The following PPFIA2 variants were observed in gnomAD, a reference collection of about 807,000 sequenced individuals.
PPFIA2 encodes the protein PPFI scaffold protein A2, also known as liprin-alpha-2.
PPFIA2 carries 46 observed loss-of-function variants against 175.5 expected under a neutral mutation model. The observed-to-expected ratio is 0.26, with a 90% CI of 0.21 to 0.34. The LOEUF (loss-of-function observed/expected upper bound fraction) is 0.34. Ranked by LOEUF, PPFIA2 falls within the 10% of genes least tolerant of loss-of-function variation. The pLI, the probability that PPFIA2 is intolerant of heterozygous loss-of-function variation, is 1.00. For missense variants in PPFIA2, 1,179 were observed against 1,506.1 expected (o/e 0.78, Z 3.60); for synonymous variants, 568 against 511.4 (o/e 1.11, Z -1.49).
intron 4 of PPFIA2, among the ~76,000 whole-genome samples, chr12:81,558,514 T>C (rs545592284): frequency 1.3e-5 from 2 of 152,180 alleles, no homozygotes; most frequent in Non-Finnish European, 2.9e-5. Context: ...TTCCCGTGCT[T>C]TCACATGGAA....
chr12:81,555,512 C>T (rs900094712), intron 4 of PPFIA2, among the ~76,000 whole-genome samples: 4 of 151,914 alleles, frequency 2.6e-5, no homozygotes, highest in African/African-American at 9.7e-5. Context: ...TTCTGCAATT[C>T]TTGAAATTGA....
At position 81,405,800 on chromosome 12, in the gene PPFIA2, T is replaced by G; in HGVS notation, c.749A>C (p.Lys250Thr). 4 of 1,563,532 alleles carry G rather than the reference T, an allele frequency of 2.6e-6. No individual in the cohort carries two copies. Among genetic ancestry groups the G allele is most frequent in the Non-Finnish European group, 3.5e-6 (4 of 1,150,184 alleles). ...GGTGTGTCATACCTTCTCATGGACT[T>G]TCTGTCCAGGTTCCATCCCTTCAAG... ...EHLEGMEPGQ[K>T]VHEKRLSNGS... The change falls in exon 8 of 33, where the codon AAA becomes ACA. Residue 250 changes from lysine (K) to threonine (T), a missense_variant. Around this residue, in one of 10 missense-constraint regions of PPFIA2, gnomAD observed 226 missense variants for 216.6 expected, o/e 1.04. Coordinates refer to ENST00000549396, the MANE Select transcript of PPFIA2 (RefSeq NM_003625.5).
chr12:81,635,224 G>C (rs1256255649), intron 4 of PPFIA2, among the ~76,000 whole-genome samples: 1 of 151,988 alleles, frequency 6.6e-6, no homozygotes, highest in Non-Finnish European at 1.5e-5. Flanking sequence ...CTGAACCTTG[G>C]TGACTTTCTT....
chr12:81,366,967 C>T, intron 14 of PPFIA2, 141 bp downstream of exon 14: 1 of 997,142 alleles, frequency 1.0e-6, no homozygotes, highest in Non-Finnish European at 1.4e-6. Context: ...CTTTTCTGCA[C>T]ATATTCTAAA....
intron 4 of PPFIA2, among the ~76,000 whole-genome samples, chr12:81,663,494 C>G (rs931582895): frequency 6.6e-6 from 1 of 152,100 alleles, no homozygotes; most frequent in Non-Finnish European, 1.5e-5. Context: ...GATGGAAGGA[C>G]CTCTTCAAGG....
intron 4 of PPFIA2, chr12:81,598,218 A>C: frequency 2.9e-6 from 4 of 1,363,576 alleles, no homozygotes; most frequent in Non-Finnish European, 3.8e-6. Flanking sequence ...CTTAGCTGAA[A>C]GATCATCAGC....
At position 81,508,398 on chromosome 12, in the gene PPFIA2, G is replaced by T. The variant is rs534738827; in HGVS notation, c.304-50532C>A. 5.9e-5 allele frequency among the ~76,000 whole-genome samples: 9 copies of T among 151,564 alleles called. No homozygotes were observed. The South Asian group carries it at 1.9e-3, about 32-fold the overall frequency. The stretch of plus-strand genomic sequence containing the variant: ...TAGCCTGGTATGGTGGCACATGCTT[G>T]TAATCCCAGCTATTCGGGAGGCTGA... On this transcript the variant is annotated intron_variant, in intron 4 of 32. Coordinates refer to ENST00000549396, the MANE Select transcript of PPFIA2 (RefSeq NM_003625.5).
intron 3 of PPFIA2, among the ~76,000 whole-genome samples, chr12:81,679,443 T>C (rs2073185845): frequency 6.6e-6 from 1 of 151,900 alleles, no homozygotes; most frequent in Middle Eastern, 3.2e-3. Flanking sequence ...TTTTCTCATA[T>C]TTTGTAAAGT....
At chr12:81,494,433 G>A (rs2059791587) in intron 4 of PPFIA2, among the ~76,000 whole-genome samples, 1 of 152,148 alleles carries the variant, frequency 6.6e-6, no homozygotes, top group Non-Finnish European at 1.5e-5. Flanking sequence ...TCATTAAAAA[G>A]TCAGGAAACA....
At chr12:81,439,887 A>T in intron 7 of PPFIA2, 85 bp downstream of exon 7, 1 of 1,083,244 alleles carries the variant, frequency 9.2e-7, no homozygotes, top group Non-Finnish European at 1.4e-6. Context: ...TTTTTGTGAC[A>T]GTTATAATAA....
intron 11 of PPFIA2, among the ~76,000 whole-genome samples, chr12:81,372,128 T>C (rs2035288049): frequency 1.3e-5 from 2 of 151,814 alleles, no homozygotes; most frequent in South Asian, 4.1e-4. Context: ...CTATTTTTTA[T>C]ACTCCTTGGT....
At chr12:81,747,066 C>A (rs2083158695) in intron 3 of PPFIA2, among the ~76,000 whole-genome samples, 1 of 142,180 alleles carries the variant, frequency 7.0e-6, no homozygotes, top group African/African-American at 2.5e-5. Flanking sequence ...AGCCTGATTG[C>A]AAGGGTTAAA....
intron 3 of PPFIA2, among the ~76,000 whole-genome samples, chr12:81,715,806 T>A (rs1007063977): frequency 2.2e-4 from 33 of 151,776 alleles, no homozygotes; most frequent in Non-Finnish European, 4.1e-4. Context: ...CTTGATTTCA[T>A]ATTATCTTGT....
At chr12:81,459,407 C>T (rs992601494) in intron 4 of PPFIA2, among the ~76,000 whole-genome samples, 2 of 152,008 alleles carry the variant, frequency 1.3e-5, no homozygotes, top group African/African-American at 4.8e-5. Context: ...AAATCTTATA[C>T]TTATGTATAT....
chr12:81,688,094 T>C (rs1031338700), intron 3 of PPFIA2, among the ~76,000 whole-genome samples: 2 of 152,050 alleles, frequency 1.3e-5, no homozygotes, highest in African/African-American at 2.4e-5. Flanking sequence ...TGCATTTCTA[T>C]GGCTTTGGTT....
At chr12:81,550,863 T>G (rs1458762515) in intron 4 of PPFIA2, among the ~76,000 whole-genome samples, 2 of 151,816 alleles carry the variant, frequency 1.3e-5, no homozygotes, top group Non-Finnish European at 2.9e-5. Flanking sequence ...AGGAAGAATC[T>G]GAGATGGGAA....
At position 81,712,102 on chromosome 12, in the gene PPFIA2, C is replaced by T. The variant is rs181730376; in HGVS notation, c.250-35258G>A. On this transcript the variant is annotated intron_variant, in intron 3 of 32. Transcript: ENST00000549396. Reference sequence around the variant, plus strand: ...CATTATTTTAAAGGAGAATTAACATCAATTATACTAATATGTTCTGTGTAA... The same window carrying T: ...CATTATTTTAAAGGAGAATTAACATTAATTATACTAATATGTTCTGTGTAA... Among the ~76,000 whole-genome samples, 860 of 151,256 alleles carry T rather than the reference C, an allele frequency of 5.7e-3. 8 individuals carry two copies. Among genetic ancestry groups the T allele is most frequent in the Middle Eastern group, 0.017 (5 of 294 alleles).
chr12:81,738,312 A>G (rs2081895740), intron 3 of PPFIA2, among the ~76,000 whole-genome samples: 1 of 151,958 alleles, frequency 6.6e-6, no homozygotes, highest in Non-Finnish European at 1.5e-5. Context: ...TGAAAAACTT[A>G]AACCAGAAAA....
At chr12:81,637,505 T>G (rs770112069) in intron 4 of PPFIA2, among the ~76,000 whole-genome samples, 67 of 152,048 alleles carry the variant, frequency 4.4e-4, no homozygotes, top group Non-Finnish European at 9.0e-4. Flanking sequence ...ACTCAAGGTA[T>G]GGCCATCTCT....
Sources: gnomAD v4.1 joint callset for allele counts (sites outside exome capture counted in the v4.1 genomes callset) on GRCh38, gnomAD v4.1.1 for gene constraint, gnomAD v4.1.1 regional missense constraint, MANE v1.5 for transcripts, NCBI Gene and HGNC (gene_info 2026-07-23, HGNC 2026-07-21) for gene names.